CIMIP5: variants seen among roughly 807,000 people sequenced by gnomAD.
The protein encoded by CIMIP5 is ciliary microtubule inner protein 5, also known as uncharacterized protein C2orf50.
At chr2:11,151,470 A>G in the CIMIP5 span, among the ~76,000 whole-genome samples, 2 of 152,246 alleles carry the variant, frequency 1.3e-5, no homozygotes, top group African/African-American at 4.8e-5. Flanking sequence ...GTAACCACCT[A>G]AAGGGCTCAC....
At chr2:11,140,971 T>G in the CIMIP5 span, among the ~76,000 whole-genome samples, 1 of 152,044 alleles carries the variant, frequency 6.6e-6, no homozygotes, top group Non-Finnish European at 1.5e-5. Flanking sequence ...CCAGACTAAT[T>G]TCCCTAAACG....
At chr2:11,133,530 G>C in the CIMIP5 span, 1 of 1,608,094 alleles carries the variant, frequency 6.2e-7, no homozygotes, top group Non-Finnish European at 8.5e-7. Context: ...CTGCGATGGC[G>C]TGCAGCAGGA....
At chr2:11,143,859 C>T in the CIMIP5 span, 2 of 1,387,842 alleles carry the variant, frequency 1.4e-6, no homozygotes, top group Non-Finnish European at 1.9e-6. Context: ...TCTGTTTTCT[C>T]CCATTCTAAG....
the CIMIP5 span, chr2:11,140,527 T>C: frequency 6.4e-7 from 1 of 1,572,300 alleles, no homozygotes; most frequent in South Asian, 1.2e-5. Context: ...AACTGGAGTT[T>C]CCTGAAAGAC....
chr2:11,135,160 C>T, the CIMIP5 span, among the ~76,000 whole-genome samples: 1 of 152,222 alleles, frequency 6.6e-6, no homozygotes, highest in Non-Finnish European at 1.5e-5. Context: ...GCCCTACCTT[C>T]AACACTAGGG....
chr2:11,133,688 G>A, the CIMIP5 span: 13 of 1,478,916 alleles, frequency 8.8e-6, no homozygotes, highest in East Asian at 4.8e-5. Flanking sequence ...CAAATGATCT[G>A]GCTGAGGGAC....
chr2:11,140,113 C>T, the CIMIP5 span, among the ~76,000 whole-genome samples: 91 of 126,840 alleles, frequency 7.2e-4, no homozygotes, highest in African/African-American at 2.8e-3. Context: ...AAAGGCTGGG[C>T]GTGGTGGCTC....
chr2:11,139,491 A>G, the CIMIP5 span, among the ~76,000 whole-genome samples: 2 of 152,290 alleles, frequency 1.3e-5, no homozygotes, highest in South Asian at 2.1e-4. Context: ...AGCTAATACT[A>G]TCCTTATGGT....
the CIMIP5 span, chr2:11,133,259 T>G: frequency 6.8e-7 from 1 of 1,479,668 alleles, no homozygotes; most frequent in Non-Finnish European, 8.9e-7. Flanking sequence ...CAGGAGGAGG[T>G]TTGAGCTGAG....
the CIMIP5 span, among the ~76,000 whole-genome samples, chr2:11,148,169 G>A: frequency 6.6e-6 from 1 of 151,354 alleles, no homozygotes; most frequent in African/African-American, 2.4e-5. Flanking sequence ...CCAAGCTGGA[G>A]TGCAATGGTA....
chr2:11,133,287 CT>C, the CIMIP5 span: 1 of 1,523,234 alleles, frequency 6.6e-7, no homozygotes, highest in Non-Finnish European at 8.7e-7. Flanking sequence ...ACAGGTCTCT[CT>C]CTCTCTCTCT....
the CIMIP5 span, among the ~76,000 whole-genome samples, chr2:11,146,253 T>C: frequency 6.6e-6 from 1 of 152,286 alleles, no homozygotes; most frequent in African/African-American, 2.4e-5. Flanking sequence ...ATGAGGCAAC[T>C]AAAGCGCAGA....
At chr2:11,141,120 A>AC in the CIMIP5 span, among the ~76,000 whole-genome samples, 14 of 100,924 alleles carry the variant, frequency 1.4e-4, no homozygotes, top group Non-Finnish European at 9.8e-5. Context: ...CCCACAACAC[A>AC]CTTTTTTTTT....
the CIMIP5 span, chr2:11,133,516 C>T: frequency 6.2e-7 from 1 of 1,608,506 alleles, no homozygotes; most frequent in Non-Finnish European, 8.5e-7. Flanking sequence ...GCTCAGGGAG[C>T]TGCCTGCGAT....
At chr2:11,133,572 C>T in the CIMIP5 span, 7 of 1,602,266 alleles carry the variant, frequency 4.4e-6, no homozygotes, top group East Asian at 2.2e-5. Context: ...GGAGGCCGAG[C>T]GGCGGGGCCA....
At chr2:11,133,585 A>C in the CIMIP5 span, 1 of 1,598,714 alleles carries the variant, frequency 6.3e-7, no homozygotes, top group Non-Finnish European at 8.5e-7. Context: ...CGGGGCCAGC[A>C]GCGCTGGTGA....
chr2:11,135,232 G>A, the CIMIP5 span, among the ~76,000 whole-genome samples: 1 of 152,152 alleles, frequency 6.6e-6, no homozygotes, highest in African/African-American at 2.4e-5. Flanking sequence ...AGGGATTGCA[G>A]GATTATACGG....
At chr2:11,135,403 G>GGTGTGAC in the CIMIP5 span, among the ~76,000 whole-genome samples, 1 of 152,018 alleles carries the variant, frequency 6.6e-6, no homozygotes, top group African/African-American at 2.4e-5. Flanking sequence ...CATCCTAATA[G>GGTGTGAC]GTGTGACGTG....
chr2:11,148,298 G>A, the CIMIP5 span, among the ~76,000 whole-genome samples: 6 of 152,088 alleles, frequency 3.9e-5, no homozygotes, highest in Middle Eastern at 3.4e-3. Flanking sequence ...TGCATTTTTA[G>A]TAGAGACATG....
Sources: allele counts gnomAD v4.1 joint callset (sites outside exome capture counted in the v4.1 genomes callset), GRCh38; gene constraint gnomAD v4.1.1; transcripts MANE v1.5; gene names NCBI Gene and HGNC (gene_info 2026-07-23, HGNC 2026-07-21).